Variants in WDR49 observed in about 807,000 individuals in gnomAD.
The protein encoded by WDR49 is WD repeat domain 49.
Under a neutral mutation model 119.5 loss-of-function variants are expected in WDR49, and 107 were observed. The observed-to-expected ratio is 0.90, with a 90% confidence interval of 0.77 to 1.05. The LOEUF is 1.05. Ranked by LOEUF, WDR49 falls within the 50% of genes least tolerant of loss-of-function variation. The pLI, the probability that WDR49 is intolerant of heterozygous loss-of-function variation, is 0.00. For missense variants in WDR49, 1,240 were observed against 1,220.5 expected, an observed-to-expected ratio of 1.02 and a Z score of -0.24; for synonymous variants, 425 against 418.8, an observed-to-expected ratio of 1.01 and a Z score of -0.18.
chr3:167,653,325 C>T lies in WDR49; in HGVS notation c.101G>A (p.Gly34Asp). 1 of 1,536,156 alleles carries T rather than the reference C, an allele frequency of 6.5e-7. No homozygotes were observed. Among genetic ancestry groups the T allele is most frequent in the Non-Finnish European group, 8.7e-7 (1 of 1,146,904 alleles). Residue 34 changes from glycine to aspartate, a missense_variant, in exon 2 of 19, where the codon GGC becomes GAC. Physicochemically the swap from Gly to Asp is moderately conservative, Grantham distance 94 (BLOSUM62 -1). Transcript: ENST00000682715. The part of the protein sequence containing the change: ...TEGVTAFEDY[G>D]TGLLENQLSV... ...GAGTTGGTTTTCAAGCAGGCCTGTG[C>T]CATAGTCTTCAAATGCAGTTACACC...
At chr3:167,627,642 G>A (rs145871632) in intron 2 of WDR49, among the ~76,000 whole-genome samples, 9 of 152,000 alleles carry the variant, frequency 5.9e-5, no homozygotes, top group Admixed American at 5.9e-4. Context: ...GCAAGGAAAG[G>A]TTCTCCCCTA....
At chr3:167,516,443 G>A (rs555127832) in intron 16 of WDR49, among the ~76,000 whole-genome samples, 1 of 152,132 alleles carries the variant, frequency 6.6e-6, no homozygotes, top group Non-Finnish European at 1.5e-5. Flanking sequence ...CATTTTTTAT[G>A]GCTGCATAGT....
intron 2 of WDR49, among the ~76,000 whole-genome samples, chr3:167,644,830 G>A (rs901845132): frequency 2.6e-5 from 4 of 152,070 alleles, no homozygotes; most frequent in African/African-American, 9.7e-5. Flanking sequence ...ATCAGTGAAT[G>A]TTATTGATCT....
chr3:167,560,264 A>G (rs1367868251), intron 8 of WDR49, 36 bp from the exon 9 acceptor site: 3 of 1,584,038 alleles, frequency 1.9e-6, no homozygotes, highest in Non-Finnish European at 2.6e-6. Context: ...AATTAAATAT[A>G]GTCTCAGAAT....
intron 7 of WDR49, among the ~76,000 whole-genome samples, chr3:167,580,105 C>T (rs1714459469): frequency 6.6e-6 from 1 of 152,114 alleles, no homozygotes; most frequent in African/African-American, 2.4e-5. Context: ...GTCTAGTCTA[C>T]AACAGGTTAC....
intron 5 of WDR49, among the ~76,000 whole-genome samples, chr3:167,610,029 G>T (rs992849102): frequency 6.6e-6 from 1 of 152,202 alleles, no homozygotes; most frequent in Admixed American, 6.5e-5. Flanking sequence ...GTGCCCTGAT[G>T]CAATATCCAG....
intron 18 of WDR49, among the ~76,000 whole-genome samples, chr3:167,492,372 G>T (rs924538105): frequency 6.6e-6 from 1 of 152,092 alleles, no homozygotes; most frequent in Admixed American, 6.6e-5. Context: ...AAACACCTGA[G>T]TCAGTTTTTC....
intron 2 of WDR49, among the ~76,000 whole-genome samples, chr3:167,629,081 C>A (rs1461926780): frequency 6.6e-6 from 1 of 152,076 alleles, no homozygotes; most frequent in Admixed American, 6.6e-5. Context: ...CATAGTGAGA[C>A]TCCATCTCTA....
Position 167,604,336 on chromosome 3 carries a change from T to C in WDR49, c.1091A>G (p.His364Arg). The change falls in exon 6 of 19, where the codon CAT becomes CGT. Residue 364 changes from histidine (H) to arginine (R), a missense_variant. Physicochemically the swap from His to Arg is conservative, Grantham distance 29. Transcript: ENST00000682715. ...MTSFNIAQGI[H>R]AFDYHSRLNL... Reference sequence around the variant, plus strand: ...GAGCCGAGAGTGATAATCAAAAGCATGAATGCCCTGGGCAATGTTGAAGGA... The same window carrying C: ...GAGCCGAGAGTGATAATCAAAAGCACGAATGCCCTGGGCAATGTTGAAGGA... 1 of 1,613,756 alleles carries C rather than the reference T, an allele frequency of 6.2e-7. No individual in the cohort carries two copies. Among genetic ancestry groups the C allele is most frequent in the Non-Finnish European group, 8.5e-7 (1 of 1,179,850 alleles).
intron 8 of WDR49, chr3:167,567,043 AC>A: frequency 4.4e-6 from 2 of 452,900 alleles, no homozygotes; most frequent in Middle Eastern, 5.4e-4. Flanking sequence ...TTTCTGTCGG[AC>A]TTTTTGCTCT....
chr3:167,493,588 A>T (rs1751233661), intron 18 of WDR49, among the ~76,000 whole-genome samples: 1 of 152,176 alleles, frequency 6.6e-6, no homozygotes, highest in South Asian at 2.1e-4. Flanking sequence ...TATCTCAGGC[A>T]TGAGAAGTAG....
chr3:167,565,707 A>G (rs1198806596), intron 8 of WDR49, among the ~76,000 whole-genome samples: 1 of 152,150 alleles, frequency 6.6e-6, no homozygotes, highest in African/African-American at 2.4e-5. Flanking sequence ...CATTCAAGGA[A>G]TAGCAAGGAA....
chr3:167,538,507 G>A (rs1711600465), intron 10 of WDR49, among the ~76,000 whole-genome samples: 1 of 151,946 alleles, frequency 6.6e-6, no homozygotes, highest in African/African-American at 2.4e-5. Flanking sequence ...TATTGTAACA[G>A]CGTACTGACA....
intron 17 of WDR49, among the ~76,000 whole-genome samples, chr3:167,501,490 A>C (rs1234593234): frequency 2.0e-5 from 3 of 152,002 alleles, no homozygotes; most frequent in African/African-American, 4.8e-5. Flanking sequence ...CCTAACAAAA[A>C]CTCCGTGGAG....
rs564557631 is a variant in WDR49 at position 167,609,648 on chromosome 3, G to T, written c.959-5180C>A. The stretch of plus-strand genomic sequence containing the variant: ...GACTGCAACTCATAGGTGAGTCCTT[G>T]TGTGGAACTAGGCCCAGAGACAATG... On this transcript the variant is annotated intron_variant, in intron 5 of 18. Transcript: ENST00000682715. Among the ~76,000 whole-genome samples the T allele has an allele frequency of 4.6e-5, 7 of 152,306 alleles. No individual in the cohort carries two copies. In the East Asian group the frequency reaches 1.4e-3, roughly 29 times the overall value.
chr3:167,590,590 G>A lies in WDR49; in HGVS notation c.1275+11537C>T, dbSNP rs187354410. ...GCTTCAGTCTCATTACTTGTTATTA[G>A]TCTGTTCAGGTTTTGAAAATTTTTA... On this transcript the variant is annotated intron_variant, in intron 7 of 18. Coordinates refer to ENST00000682715, the MANE Select transcript of WDR49 (RefSeq NM_001366157.1). 6.7e-4 allele frequency among the ~76,000 whole-genome samples: 102 copies of A among 152,106 alleles called. 1 individual carries two copies. The East Asian group carries it at 0.016, about 24-fold the overall frequency.
chr3:167,528,339 T>C (rs1273595275), intron 14 of WDR49, among the ~76,000 whole-genome samples: 2 of 151,898 alleles, frequency 1.3e-5, no homozygotes, highest in Non-Finnish European at 2.9e-5. Context: ...AACGTTCAAA[T>C]ATTATTAGAA....
chr3:167,548,869 T>A (rs1712369563), intron 10 of WDR49, among the ~76,000 whole-genome samples: 1 of 151,944 alleles, frequency 6.6e-6, no homozygotes, highest in Non-Finnish European at 1.5e-5. Flanking sequence ...CAGGCCCCAG[T>A]GTGTGATGTT....
intron 10 of WDR49, among the ~76,000 whole-genome samples, chr3:167,538,880 C>G (rs1711625551): frequency 6.6e-6 from 1 of 152,064 alleles, no homozygotes; most frequent in Non-Finnish European, 1.5e-5. Context: ...GGCTAATGCC[C>G]CATTAGAAAG....
Sources: allele counts gnomAD v4.1 joint callset (sites outside exome capture counted in the v4.1 genomes callset), GRCh38; gene constraint gnomAD v4.1.1; transcripts MANE v1.5; gene names NCBI Gene and HGNC (gene_info 2026-07-23, HGNC 2026-07-21).